BMP8B: variants seen among roughly 807,000 people sequenced by gnomAD.
BMP8B encodes the protein bone morphogenetic protein 8b.
BMP8B carries 17 observed loss-of-function variants against 30.3 expected under a neutral mutation model. The observed-to-expected ratio is 0.56, with a 90% CI of 0.38 to 0.84. The LOEUF (loss-of-function observed/expected upper bound fraction) is 0.84, where lower values mean the gene tolerates loss of function less well. Among genes scored for constraint, BMP8B ranks in the 40% least tolerant of loss-of-function variants. The probability of loss-of-function intolerance (pLI) is 0.00; values close to 1 mark genes in which losing one functional copy is unlikely to be tolerated. For missense variants in BMP8B, 253 were observed against 494.6 expected, an observed-to-expected ratio of 0.51 and a Z score of 4.63; for synonymous variants, 131 against 214.7, an observed-to-expected ratio of 0.61 and a Z score of 3.41.
intron 1 of BMP8B, among the ~76,000 whole-genome samples, chr1:39,780,492 C>T (rs373134782): frequency 3.9e-5 from 6 of 152,220 alleles, no homozygotes; most frequent in South Asian, 2.1e-4. Context: ...ACTCTGAATG[C>T]CAGGCTGGGG....
intron 4 of BMP8B, 162 bp from the exon 5 acceptor site, chr1:39,763,953 A>G: frequency 1.0e-6 from 1 of 965,002 alleles, no homozygotes. Context: ...CTCTGCTTGT[A>G]CCATGACCCA....
At position 39,774,294 on chromosome 1, in the gene BMP8B, GC is replaced by G; in HGVS notation, c.673+13del. 7.1e-6 allele frequency: 1 copy of G among 141,254 alleles called. No homozygotes were observed. The allele number at this position is 141,254 out of a possible 1,614,324, so 8.8% of individuals were successfully genotyped here. A position where few individuals can be genotyped will look rare whatever the true frequency, so the allele number is the denominator to read the frequency against. ...ACAGAGAAGCCCCAGGGGCTGCAGA[GC>G]CCCCAGCCTCACCGTCCTCAGTCTC... On this transcript the variant is annotated intron_variant, in intron 3 of 6. Coordinates refer to ENST00000372827, the MANE Select transcript of BMP8B (RefSeq NM_001720.5).
At position 39,760,195 on chromosome 1, in the gene BMP8B, G is replaced by T. The variant is rs1251743969; in HGVS notation, c.*224C>A. ...GCATTTGGGTAGAACACTGCCTGATGATTGAGACCACCTGGGCTGGAAACA... is the reference window on the plus strand; with the variant it reads ...GCATTTGGGTAGAACACTGCCTGATTATTGAGACCACCTGGGCTGGAAACA... On this transcript the variant is annotated 3_prime_UTR_variant, in exon 7 of 7. Transcript: ENST00000372827. 1 of 753,448 alleles carries T rather than the reference G, an allele frequency of 1.3e-6. No individual in the cohort carries two copies. The highest frequency in any genetic ancestry group is 2.1e-6 in the Non-Finnish European group (1 of 481,624). 46.7% of individuals were successfully genotyped at this position (753,448 alleles called of 1,614,324 possible). A position where few individuals can be genotyped will look rare whatever the true frequency, so the allele number is the denominator to read the frequency against.
Position 39,760,448 on chromosome 1 carries a change from T to C in BMP8B, c.1180A>G (p.Met394Val). ...TGGCAGCCGCAGGCCTTGACCACCA[T>C]GTTGCGGTGCTTGCGCAGGATGACA... ...NNVILRKHRN[M>V]VVKACGCH The change falls in exon 7 of 7, where the codon ATG (methionine) becomes GTG (valine). Residue 394 changes from methionine (M) to valine (V), a missense_variant. Physicochemically the swap from Met to Val is conservative, Grantham distance 21. Coordinates refer to ENST00000372827, the MANE Select transcript of BMP8B (RefSeq NM_001720.5). 6.2e-7 allele frequency: 1 copy of C among 1,614,094 alleles called. No individual in the cohort carries two copies. Among genetic ancestry groups the C allele is most frequent in the Non-Finnish European group, 8.5e-7 (1 of 1,180,016 alleles).
chr1:39,788,585 T>C lies in BMP8B; in HGVS notation c.-100A>G. 1.1e-6 allele frequency: 1 copy of C among 923,914 alleles called. No individual in the cohort carries two copies. The highest frequency in any genetic ancestry group is 1.3e-6 in the Non-Finnish European group (1 of 774,954). 57.2% of individuals were successfully genotyped at this position (923,914 alleles called of 1,614,324 possible). ...CGCCCCGACGGCAAGGAGGCTGGGC[T>C]CGGCGGGCGGCGGGCGGCGGGGCGG... is the stretch of plus-strand genomic sequence containing the variant. On this transcript the variant is annotated 5_prime_UTR_variant, in exon 1 of 7. Transcript: ENST00000372827. The surrounding 1 kb of genome is among the most constrained non-coding windows in gnomAD (Gnocchi z 5.8).
intron 1 of BMP8B, among the ~76,000 whole-genome samples, chr1:39,778,578 C>T (rs1479975838): frequency 6.6e-6 from 1 of 152,016 alleles, no homozygotes; most frequent in Non-Finnish European, 1.5e-5. Context: ...GGTCTCATCA[C>T]TGGCTTGCTT....
At chr1:39,778,560 TC>T (rs1158311728) in intron 1 of BMP8B, among the ~76,000 whole-genome samples, 1 of 151,892 alleles carries the variant, frequency 6.6e-6, no homozygotes, top group East Asian at 1.9e-4. Context: ...CTGAGGTATT[TC>T]CAGCCGGGTC....
chr1:39,777,445 A>C (rs1650308788), intron 1 of BMP8B, among the ~76,000 whole-genome samples: 1 of 152,178 alleles, frequency 6.6e-6, no homozygotes, highest in African/African-American at 2.4e-5. Flanking sequence ...CCTTGGATAA[A>C]GCAAACTTCG....
At position 39,762,517 on chromosome 1, in the gene BMP8B, G is replaced by T. The variant is rs1251512376; in HGVS notation, c.1059+575C>A. 5.8e-6 allele frequency: 9 copies of T among 1,549,704 alleles called. No homozygotes were observed. In the Admixed American group the frequency reaches 1.6e-4, roughly 27 times the overall value. On this transcript the variant is annotated intron_variant, in intron 6 of 6. Transcript: ENST00000372827. ...CAGAAACCTGCTTTTGTCCTTTAAG[G>T]TTGCCCCAGATACCAAGGCATCAAA... is the stretch of plus-strand genomic sequence containing the variant.
chr1:39,763,386 C>CCCCTCCCCAGCCGGCCCTCCCCACCCGG (rs751592521), intron 5 of BMP8B, among the ~76,000 whole-genome samples, 184 bp from the exon 6 acceptor site: 1 of 137,340 alleles, frequency 7.3e-6, no homozygotes, highest in African/African-American at 2.7e-5. Flanking sequence ...CACTTTGCGT[C>CCCCTCCCCAGCCGGCCCTCCCCACCCGG]CCCTCCCCAG....
intron 3 of BMP8B, chr1:39,769,866 C>T (rs779032548): frequency 1.2e-6 from 2 of 1,611,438 alleles, no homozygotes; most frequent in South Asian, 2.2e-5. Context: ...ATGATGCGGT[C>T]CACGCACCGC....
rs141541760 is a variant in BMP8B at position 39,760,067 on chromosome 1, A to T, written c.*352T>A. On this transcript the variant is annotated 3_prime_UTR_variant, in exon 7 of 7. Coordinates refer to ENST00000372827, the MANE Select transcript of BMP8B (RefSeq NM_001720.5). ...GTGCCTCTCAGGTCATTCCACATCT[A>T]TCTCACGACCTGAGCCAGTAAGGGG... The T allele has an allele frequency of 3.4e-6, 1 of 290,860 alleles. No homozygotes were observed. The highest frequency in any genetic ancestry group is 6.6e-6 in the Non-Finnish European group (1 of 150,742). The allele number at this position is 290,860 out of a possible 1,614,324, so 18.0% of individuals were successfully genotyped here.
intron 1 of BMP8B, among the ~76,000 whole-genome samples, chr1:39,777,345 T>G (rs888786912): frequency 1.3e-5 from 2 of 152,216 alleles, no homozygotes; most frequent in African/African-American, 4.8e-5. Flanking sequence ...TGAATTTGCT[T>G]TCTAAACCAC....
At chr1:39,760,644 C>T in intron 6 of BMP8B, 76 bp from the exon 7 acceptor site, 1 of 1,519,906 alleles carries the variant, frequency 6.6e-7, no homozygotes, top group Non-Finnish European at 8.8e-7. Flanking sequence ...CCCACCCCAG[C>T]TCCACCTGCT....
At chr1:39,762,747 C>G in intron 6 of BMP8B, 1 of 1,382,128 alleles carries the variant, frequency 7.2e-7, no homozygotes, top group South Asian at 1.5e-5. Flanking sequence ...GCTAAGATCA[C>G]ACAGCCCCCA....
chr1:39,779,697 T>A (rs72665289), intron 1 of BMP8B, among the ~76,000 whole-genome samples: 1 of 152,112 alleles, frequency 6.6e-6, no homozygotes, highest in Non-Finnish European at 1.5e-5. Context: ...AGGCGGGAGA[T>A]GCTGTGCCAG....
Position 39,760,283 on chromosome 1 carries a change from G to A in BMP8B, c.*136C>T, listed in dbSNP as rs1298556968. 3.7e-6 allele frequency: 5 copies of A among 1,361,058 alleles called. No homozygotes were observed. The highest frequency in any genetic ancestry group is 1.4e-5 in the South Asian group (1 of 71,654). 84.3% of individuals were successfully genotyped at this position (1,361,058 alleles called of 1,614,324 possible). Reference sequence around the variant, plus strand: ...ATAGGAGCCTGGCATGAAGGAGAAAGGGTCATGTACGTGGTTGTGAGGGTC... The same window carrying A: ...ATAGGAGCCTGGCATGAAGGAGAAAAGGTCATGTACGTGGTTGTGAGGGTC... On this transcript the variant is annotated 3_prime_UTR_variant, in exon 7 of 7. Transcript: ENST00000372827.
At chr1:39,774,792 A>T in intron 2 of BMP8B, 57 bp downstream of exon 2, 1 of 496,852 alleles carries the variant, frequency 2.0e-6, no homozygotes, top group South Asian at 2.1e-5. Context: ...GGCTGCCTTG[A>T]CCATGAGACT....
chr1:39,784,230 C>G (rs151303606), intron 1 of BMP8B, among the ~76,000 whole-genome samples: 124 of 152,312 alleles, frequency 8.1e-4, no homozygotes, highest in African/African-American at 2.9e-3. Flanking sequence ...TGGGTATCAT[C>G]TCACACAAGC....
Sources: gnomAD v4.1 joint callset for allele counts (sites outside exome capture counted in the v4.1 genomes callset) on GRCh38, gnomAD v4.1.1 for gene constraint, Gnocchi (gnomAD v3.1) non-coding constraint, MANE v1.5 for transcripts, NCBI Gene and HGNC (gene_info 2026-07-23, HGNC 2026-07-21) for gene names.